The following PER1 variants were observed in gnomAD, a reference collection of about 807,000 sequenced individuals.
PER1 encodes period circadian protein homolog 1.
Under a neutral mutation model 125.9 loss-of-function variants are expected in PER1, and 87 were observed. The ratio of observed to expected loss-of-function variants is 0.69; its 90% CI spans 0.58 to 0.83. PER1 has a LOEUF of 0.83. Among genes scored for constraint, PER1 ranks in the 40% least tolerant of loss-of-function variants. PER1 has a pLI of 0.00. For missense variants in PER1, 1,775 were observed against 1,722.8 expected (o/e 1.03, Z -0.54); for synonymous variants, 801 against 714.7 (o/e 1.12, Z -1.93).
chr17:8,143,863 G>A lies in PER1; in HGVS notation c.2475C>T (p.Gly825=). The A allele has an allele frequency of 6.2e-7, 1 of 1,609,964 alleles. No individual in the cohort carries two copies. The highest frequency in any genetic ancestry group is 8.5e-7 in the Non-Finnish European group (1 of 1,178,932). ...SALGERGCHH[G]PAPPSRRHHC... is the part of the protein sequence containing the mutation. ...GGTGTCGGCGGCTTGGGGGTGCGGGGCCGTGGTGGCAGCCTGTGGGGAGAG... is the reference window on the plus strand; with the variant it reads ...GGTGTCGGCGGCTTGGGGGTGCGGGACCGTGGTGGCAGCCTGTGGGGAGAG... Residue 825 remains glycine (G), a synonymous_variant, in exon 19 of 23, where the codon GGC becomes GGT. Transcript: ENST00000317276.
chr17:8,144,603 G>T, intron 18 of PER1, 148 bp downstream of exon 18: 3 of 1,076,974 alleles, frequency 2.8e-6, no homozygotes, highest in Non-Finnish European at 4.0e-6. Context: ...AGAAGCTAGC[G>T]AGGGGCCTGT....
rs114907881 is a variant in PER1, at chr17:8,142,248, A to G, written c.3449+21T>C. 1,064 of 1,554,154 alleles carry G rather than the reference A, an allele frequency of 6.8e-4. 8 individuals carry two copies. The African/African-American group carries it at 0.011, about 16-fold the overall frequency. On this transcript the variant is annotated intron_variant, in intron 21 of 22. Coordinates refer to ENST00000317276, the MANE Select transcript of PER1 (RefSeq NM_002616.3). ...TACTACCTCTGAAAGGAAGGCCAAG[A>G]AGGCCTCTGAAATGCCTCACCTGGA... is the stretch of plus-strand genomic sequence containing the variant.
Position 8,147,594 on chromosome 17 carries a change from T to C in PER1, c.1389-16A>G. On this transcript the variant is annotated splice_polypyrimidine_tract_variant and intron_variant, in intron 11 of 22. Transcript: ENST00000317276. The stretch of plus-strand genomic sequence containing the variant: ...CAGGGGGGCCCTGTAGAGTGAAGAG[T>C]GAATCCAGCCCTGGCCCGGTCCTGT... The C allele has an allele frequency of 6.2e-7, 1 of 1,612,514 alleles. No homozygotes were observed. Among genetic ancestry groups the C allele is most frequent in the Non-Finnish European group, 8.5e-7 (1 of 1,179,342 alleles).
chr17:8,148,845 CAAT>C, intron 7 of PER1, 59 bp from the exon 8 acceptor site: 1 of 1,592,934 alleles, frequency 6.3e-7, no homozygotes, highest in South Asian at 1.1e-5. Context: ...ACTCCTCCAA[CAAT>C]AAGGTCACAG....
intron 17 of PER1, among the ~76,000 whole-genome samples, chr17:8,145,620 A>C (rs1325758641): frequency 6.6e-6 from 1 of 152,116 alleles, no homozygotes; most frequent in African/African-American, 2.4e-5. Flanking sequence ...CACCATGCCC[A>C]GCCCCTCATG....
Position 8,148,848 on chromosome 17 carries a change from TAAG to T in PER1, c.906-65_906-63del, listed in dbSNP as rs1359656632. ...AGAGAGCCACCCACTCCTCCAACAATAAGGTCACAGCAGACAACAGCAAAGACG... is the reference window on the plus strand; with the variant it reads ...AGAGAGCCACCCACTCCTCCAACAATGTCACAGCAGACAACAGCAAAGACG... On this transcript the variant is annotated intron_variant, in intron 7 of 22. Transcript: ENST00000317276. 1.1e-5 allele frequency: 17 copies of T among 1,586,338 alleles called. No individual in the cohort carries two copies. The East Asian group carries it at 3.6e-4, about 34-fold the overall frequency.
At position 8,150,607 on chromosome 17, in the gene PER1, G is replaced by A; in HGVS notation, c.100C>T (p.Arg34Trp). ...GCCAGGCTGGGGCCTGGGCAAGGCC[G>A]GTGCTGTGGGGGCCCAGGGGATGGG... ...GVPSPGPPQH[R>W]PCPGPSLADD... The change falls in exon 2 of 23, where the codon CGG becomes TGG. Residue 34 changes from arginine to tryptophan, a missense_variant. By Grantham distance (101) the Arg-to-Trp change is moderately radical. Coordinates refer to ENST00000317276, the MANE Select transcript of PER1 (RefSeq NM_002616.3). 6 of 1,613,604 alleles carry A rather than the reference G, an allele frequency of 3.7e-6. No individual in the cohort carries two copies. Among genetic ancestry groups the A allele is most frequent in the East Asian group, 2.2e-5 (1 of 44,890 alleles).
At chr17:8,149,385 G>GT (rs1177327927) in intron 6 of PER1, 75 bp from the exon 7 acceptor site, 1 of 1,605,714 alleles carries the variant, frequency 6.2e-7, no homozygotes, top group Non-Finnish European at 8.5e-7. Context: ...CTAAGGGAAA[G>GT]TCTGGGTTCC....
Position 8,150,040 on chromosome 17 carries a change from G to T in PER1, c.460C>A (p.Arg154=). ...AGGGTCCCAGAGCGGCCCTTGCCCC[G>T]GCGCTCTGGCGGCAGTCGAAGCTTG... ...ELKLRLPPER[R]GKGRSGTLAT... The change falls in exon 4 of 23, where the codon CGG becomes AGG. Residue 154 remains arginine (R), a synonymous_variant. Coordinates refer to ENST00000317276, the MANE Select transcript of PER1 (RefSeq NM_002616.3). The T allele has an allele frequency of 1.2e-6, 2 of 1,614,180 alleles. No individual in the cohort carries two copies. Among genetic ancestry groups the T allele is most frequent in the Non-Finnish European group, 1.7e-6 (2 of 1,180,036 alleles).
chr17:8,148,360 A>C (rs1008355961), intron 8 of PER1, 101 bp from the exon 9 acceptor site: 2 of 1,022,810 alleles, frequency 2.0e-6, no homozygotes, highest in Non-Finnish European at 3.0e-6. Context: ...TCTGCCACAC[A>C]GCTCTGCCCC....
rs763458765 is a variant in PER1 at position 8,143,813 on chromosome 17, G to T, written c.2525C>A (p.Ser842Ter). 1.2e-6 allele frequency: 2 copies of T among 1,612,726 alleles called. No individual in the cohort carries two copies. Among genetic ancestry groups the T allele is most frequent in the Non-Finnish European group, 1.7e-6 (2 of 1,179,328 alleles). Residue 842 changes from serine to a stop codon, truncating the protein, a stop_gained, in exon 19 of 23, where the codon TCA becomes TAA. Transcript: ENST00000317276. LOFTEE classifies it high-confidence loss of function. ...RHHCRSKAKRSRHHQNPRAEA... is the reference protein window; with the variant it reads ...RHHCRSKAKR ...AGCCCGAGGGTTCTGGTGGTGGCGT[G>T]AGCGCTTGGCTTTGGATCGGCAGTG... is the stretch of plus-strand genomic sequence containing the variant.
rs1982493803 is a variant in PER1 at position 8,146,995 on chromosome 17, A to G, written c.1637T>C (p.Phe546Ser). ...ATGCACATCCTTACAGATCTGCTGG[A>G]AAGTCACCTGTGGGACACAGCACCA... ...EGPGPPAPVT[F>S]QQICKDVHLV... The change falls in exon 14 of 23, where the codon TTC becomes TCC. Residue 546 changes from phenylalanine (F) to serine (S), a missense_variant. Transcript: ENST00000317276. 5.6e-6 allele frequency: 9 copies of G among 1,613,444 alleles called. No homozygotes were observed. Among genetic ancestry groups the G allele is most frequent in the Non-Finnish European group, 5.9e-6 (7 of 1,179,486 alleles).
At position 8,150,609 on chromosome 17, in the gene PER1, T is replaced by C. The variant is rs776201471; in HGVS notation, c.98A>G (p.His33Arg). 1.2e-6 allele frequency: 2 copies of C among 1,613,672 alleles called. No individual in the cohort carries two copies. Among genetic ancestry groups the C allele is most frequent in the South Asian group, 2.2e-5 (2 of 91,076 alleles). Residue 33 changes from histidine to arginine, a missense_variant, in exon 2 of 23, where the codon CAC (histidine) becomes CGC (arginine). Physicochemically the swap from His to Arg is conservative, Grantham distance 29. Coordinates refer to ENST00000317276, the MANE Select transcript of PER1 (RefSeq NM_002616.3). ...GGVPSPGPPQHRPCPGPSLAD... is the reference protein window; with the variant it reads ...GGVPSPGPPQRRPCPGPSLAD... Reference sequence around the variant, plus strand: ...CAGGCTGGGGCCTGGGCAAGGCCGGTGCTGTGGGGGCCCAGGGGATGGGAC... The same window carrying C: ...CAGGCTGGGGCCTGGGCAAGGCCGGCGCTGTGGGGGCCCAGGGGATGGGAC...
Position 8,143,895 on chromosome 17 carries a change from G to C in PER1, c.2462-19C>G. On this transcript the variant is annotated intron_variant, in intron 18 of 22. Transcript: ENST00000317276. ...TGGCAGCCTGTGGGGAGAGACTAGG[G>C]TTAGCAAGGACCTCAACCTGGGGTT... The C allele has an allele frequency of 4.4e-6, 7 of 1,593,464 alleles. No individual in the cohort carries two copies. The highest frequency in any genetic ancestry group is 1.3e-5 in the African/African-American group (1 of 74,692).
intron 17 of PER1, 54 bp from the exon 18 acceptor site, chr17:8,145,047 A>C (rs769734502): frequency 7.1e-7 from 1 of 1,404,332 alleles, no homozygotes; most frequent in Non-Finnish European, 9.3e-7. Flanking sequence ...GGGTCAACAC[A>C]TCCATACCAC....
rs1337655831 is a variant in PER1, at chr17:8,149,300, G to A, written c.864C>T (p.Leu288=). The A allele has an allele frequency of 1.9e-6, 3 of 1,614,082 alleles. No individual in the cohort carries two copies. Among genetic ancestry groups the A allele is most frequent in the Admixed American group, 3.3e-5 (2 of 60,026 alleles). The change falls in exon 7 of 23, where the codon CTC becomes CTT. Residue 288 remains leucine (L), a synonymous_variant. Coordinates refer to ENST00000317276, the MANE Select transcript of PER1 (RefSeq NM_002616.3). ...WGTGASAGSG[L]RDFTQEKSVF... ...CGGACTTCTCCTGGGTAAAGTCCCT[G>A]AGGCCTGAACCTGGGACAGACAGGA...
At chr17:8,149,166 G>C (rs1053458533) in intron 7 of PER1, 93 bp downstream of exon 7, 2 of 1,167,564 alleles carry the variant, frequency 1.7e-6, no homozygotes, top group African/African-American at 3.0e-5. Flanking sequence ...TCCAGCCTGG[G>C]TGACAGAGTG....
At chr17:8,148,990 A>T in intron 7 of PER1, 1 of 638,254 alleles carries the variant, frequency 1.6e-6, no homozygotes, top group Non-Finnish European at 2.7e-6. Flanking sequence ...GGAGTTCGAG[A>T]CCAGCCTGGC....
At position 8,149,452 on chromosome 17, in the gene PER1, G is replaced by A; in HGVS notation, c.853+10C>T. 1 of 1,611,188 alleles carries A rather than the reference G, an allele frequency of 6.2e-7. No homozygotes were observed. ...TGCTCATGCCTCCCCACAGCGCTTG[G>A]GCACCTCACCTGCTGAGGCCCCTGT... On this transcript the variant is annotated intron_variant, in intron 6 of 22. Coordinates refer to ENST00000317276, the MANE Select transcript of PER1 (RefSeq NM_002616.3).
Sources: allele counts gnomAD v4.1 joint callset (sites outside exome capture counted in the v4.1 genomes callset), GRCh38; gene constraint gnomAD v4.1.1; transcripts MANE v1.5; gene names NCBI Gene and HGNC (gene_info 2026-07-23, HGNC 2026-07-21).